The following GPBP1L1 variants were observed in gnomAD, a reference collection of about 807,000 sequenced individuals.
GPBP1L1 encodes GC-rich promoter binding protein 1 like 1.
Under a neutral mutation model 52.5 loss-of-function variants are expected in GPBP1L1, and 23 were observed. The observed-to-expected ratio is 0.44, with a 90% CI of 0.32 to 0.62. The LOEUF (loss-of-function observed/expected upper bound fraction) is 0.62, where lower values mean the gene tolerates loss of function less well. GPBP1L1 is among the 20% of genes least tolerant of loss of function. The pLI is 0.06. For missense variants in GPBP1L1, 596 were observed against 579.3 expected (o/e 1.03, Z -0.30); for synonymous variants, 243 against 203.1 (o/e 1.20, Z -1.67).
At chr1:45,680,181 G>C (rs868526075) in intron 2 of GPBP1L1, among the ~76,000 whole-genome samples, 1 of 149,392 alleles carries the variant, frequency 6.7e-6, no homozygotes, top group African/African-American at 2.5e-5. Flanking sequence ...CAAAACTATA[G>C]TTTTTTTAAA....
intron 10 of GPBP1L1, 32 bp downstream of exon 10, chr1:45,633,457 A>G (rs758572479): frequency 1.2e-6 from 2 of 1,607,180 alleles, no homozygotes; most frequent in Non-Finnish European, 1.7e-6. Context: ...GAAAATTCCT[A>G]GGCTACCCCC....
rs1644563695 is a variant in GPBP1L1 at position 45,634,035 on chromosome 1, T to TA, written c.885+60dup. The TA allele has an allele frequency of 6.0e-6, 9 of 1,495,188 alleles. No individual in the cohort carries two copies. The East Asian group carries it at 2.1e-4, about 34-fold the overall frequency. The allele number at this position is 1,495,188 out of a possible 1,614,324, so 92.6% of individuals were successfully genotyped here. On this transcript the variant is annotated intron_variant, in intron 9 of 12. Coordinates refer to ENST00000355105, the MANE Select transcript of GPBP1L1 (RefSeq NM_021639.5). Reference sequence around the variant, plus strand: ...TCACAGCTATACATATTACACTTGTTATCTAAGTGAACGGGAAATGGCAAT... The same window carrying TA: ...TCACAGCTATACATATTACACTTGTTAATCTAAGTGAACGGGAAATGGCAAT...
chr1:45,633,787 G>A, intron 9 of GPBP1L1, 140 bp from the exon 10 acceptor site: 1 of 931,692 alleles, frequency 1.1e-6, no homozygotes, highest in Non-Finnish European at 1.6e-6. Flanking sequence ...TATTTAAGCA[G>A]TTCAAACTTC....
chr1:45,660,460 G>C lies in GPBP1L1; in HGVS notation c.-332C>G, dbSNP rs1644935451. The C allele has an allele frequency of 3.1e-6, 3 of 981,752 alleles. No homozygotes were observed. The highest frequency in any genetic ancestry group is 3.6e-6 in the Non-Finnish European group (3 of 826,682). 60.8% of individuals were successfully genotyped at this position (981,752 alleles called of 1,614,324 possible). ...AAAGTATTTGTTACATTTAAAAAGG[G>C]GGGGAAGGGGAAAGAGCTGTATCTA... is the stretch of plus-strand genomic sequence containing the variant. On this transcript the variant is annotated 5_prime_UTR_variant, in exon 3 of 13. Coordinates refer to ENST00000355105, the MANE Select transcript of GPBP1L1 (RefSeq NM_021639.5).
At chr1:45,642,388 T>C in intron 7 of GPBP1L1, 39 bp downstream of exon 7, 2 of 1,428,014 alleles carry the variant, frequency 1.4e-6, no homozygotes, top group Non-Finnish European at 2.0e-6. Flanking sequence ...TAAGAAAAAA[T>C]TTTAAAGTTG....
intron 6 of GPBP1L1, among the ~76,000 whole-genome samples, chr1:45,645,484 T>C (rs547233511): frequency 6.6e-6 from 1 of 152,358 alleles, no homozygotes; most frequent in East Asian, 1.9e-4. Context: ...AGTTTCAGAA[T>C]AGCAATGTCA....
At chr1:45,634,434 G>C (rs944547952) in intron 8 of GPBP1L1, 198 bp from the exon 9 acceptor site, 2 of 471,610 alleles carry the variant, frequency 4.2e-6, no homozygotes, top group Non-Finnish European at 7.5e-6. Flanking sequence ...GGATACAGAA[G>C]AGCCATTGGA....
chr1:45,669,987 G>A (rs376288012), intron 2 of GPBP1L1, among the ~76,000 whole-genome samples: 7 of 152,314 alleles, frequency 4.6e-5, no homozygotes, highest in African/African-American at 1.7e-4. Context: ...CTGGAACATA[G>A]TAGATAAATA....
chr1:45,681,191 T>C (rs770259233), intron 2 of GPBP1L1, among the ~76,000 whole-genome samples: 5 of 152,032 alleles, frequency 3.3e-5, no homozygotes, highest in Middle Eastern at 6.4e-3. Flanking sequence ...AACAGAGAAA[T>C]TGCAAGAAAA....
At chr1:45,668,392 G>A (rs527822915) in intron 2 of GPBP1L1, among the ~76,000 whole-genome samples, 1 of 152,258 alleles carries the variant, frequency 6.6e-6, no homozygotes, top group African/African-American at 2.4e-5. Flanking sequence ...AGTGGCTCAC[G>A]CCTGTCATCT....
rs542867446 is a variant in GPBP1L1, at chr1:45,685,167, A to G, written c.-1098+409T>C. On this transcript the variant is annotated intron_variant, in intron 2 of 12. Coordinates refer to ENST00000355105, the MANE Select transcript of GPBP1L1 (RefSeq NM_021639.5). ...GTTTTCACTTGTTAAAATGTCTTAC[A>G]CTATTCTAGTAAATATCTCAAACTT... Among the ~76,000 whole-genome samples the G allele has an allele frequency of 4.6e-5, 7 of 152,314 alleles. No homozygotes were observed. The South Asian group carries it at 1.2e-3, about 27-fold the overall frequency.
chr1:45,633,642 G>A lies in GPBP1L1; in HGVS notation c.891C>T (p.Pro297=). 1 of 1,613,674 alleles carries A rather than the reference G, an allele frequency of 6.2e-7. No homozygotes were observed. Among genetic ancestry groups the A allele is most frequent in the Non-Finnish European group, 8.5e-7 (1 of 1,179,890 alleles). ...GAALSSPKES[P]SSTTPPIEIS... ...TCTCAATTGGAGGGGTGGTGCTGGA[G>A]GGACTCTGGGCAAATACCACAAACA... is the stretch of plus-strand genomic sequence containing the variant. Residue 297 remains proline (P), a synonymous_variant, in exon 10 of 13, where the codon CCC becomes CCT. Coordinates refer to ENST00000355105, the MANE Select transcript of GPBP1L1 (RefSeq NM_021639.5).
chr1:45,658,598 T>G (rs1358435365), intron 4 of GPBP1L1, among the ~76,000 whole-genome samples: 1 of 152,228 alleles, frequency 6.6e-6, no homozygotes, highest in Admixed American at 6.5e-5. Flanking sequence ...TATGAAAATG[T>G]TTTTGAAATC....
chr1:45,646,655 A>G (rs1017868348), intron 6 of GPBP1L1, among the ~76,000 whole-genome samples: 2 of 151,504 alleles, frequency 1.3e-5, no homozygotes, highest in African/African-American at 4.9e-5. Flanking sequence ...TCCCGGGTTC[A>G]CGCCATTCTC....
rs71812968 is a variant in GPBP1L1 at position 45,627,724 on chromosome 1, GA to G, written c.*531del. On this transcript the variant is annotated 3_prime_UTR_variant, in exon 13 of 13. Transcript: ENST00000355105. ...TACAGCTGTACCCAAAAAGGAAAAA[GA>G]AAAAAAAAACAAAAAAAAACAACCA... The G allele has an allele frequency of 0.28, 35,587 of 125,612 alleles. 4,444 individuals carry two copies. Among genetic ancestry groups the G allele is most frequent in the African/African-American group, 0.35 (12,241 of 35,058 alleles). 7.8% of individuals were successfully genotyped at this position (125,612 alleles called of 1,614,324 possible).
At chr1:45,661,792 ACACTTTG>A (rs1644950354) in intron 2 of GPBP1L1, among the ~76,000 whole-genome samples, 1 of 152,168 alleles carries the variant, frequency 6.6e-6, no homozygotes, top group South Asian at 2.1e-4. Flanking sequence ...TGTAATCTCA[ACACTTTG>A]AGAGGCCAAA....
At chr1:45,640,951 G>C (rs1279458412) in intron 7 of GPBP1L1, among the ~76,000 whole-genome samples, 1 of 152,088 alleles carries the variant, frequency 6.6e-6, no homozygotes, top group East Asian at 1.9e-4. Context: ...CCAGGTCGAG[G>C]CTGCAGCGAG....
At chr1:45,674,586 T>C (rs1645116405) in intron 2 of GPBP1L1, among the ~76,000 whole-genome samples, 1 of 152,214 alleles carries the variant, frequency 6.6e-6, no homozygotes, top group African/African-American at 2.4e-5. Flanking sequence ...ACAGAAACCA[T>C]ACTTTGAATT....
intron 6 of GPBP1L1, among the ~76,000 whole-genome samples, chr1:45,648,105 A>C (rs1644774661): frequency 6.6e-6 from 1 of 151,904 alleles, no homozygotes. Flanking sequence ...CGTCCAGCTA[A>C]TTTTTAAATT....
Sources: allele counts gnomAD v4.1 joint callset (sites outside exome capture counted in the v4.1 genomes callset), GRCh38; gene constraint gnomAD v4.1.1; transcripts MANE v1.5; gene names NCBI Gene and HGNC (gene_info 2026-07-23, HGNC 2026-07-21).